The following PIK3C2G variants were observed in gnomAD, a reference collection of about 807,000 sequenced individuals.
PIK3C2G encodes the protein phosphatidylinositol-4-phosphate 3-kinase catalytic subunit type 2 gamma.
Under a neutral mutation model 181.1 loss-of-function variants are expected in PIK3C2G, and 168 were observed. The observed-to-expected ratio is 0.93, with a 90% CI of 0.82 to 1.05. PIK3C2G has a LOEUF of 1.05. Ranked by LOEUF, PIK3C2G falls within the 50% of genes least tolerant of loss-of-function variation. The pLI, the probability that PIK3C2G is intolerant of heterozygous loss-of-function variation, is 0.00. For synonymous variants in PIK3C2G, 573 were observed against 592.2 expected, an observed-to-expected ratio of 0.97 and a Z score of 0.47; for missense variants, 1,869 against 1,732.8, an observed-to-expected ratio of 1.08 and a Z score of -1.40.
At chr12:18,292,227 A>AAAAATATATATAT in intron 4 of PIK3C2G, among the ~76,000 whole-genome samples, 4 of 48,726 alleles carry the variant, frequency 8.2e-5, no homozygotes, top group African/African-American at 4.4e-4. Context: ...AAAAAAAAAA[A>AAAAATATATATAT]ATATATATAT....
At chr12:18,401,819 T>C (rs1944265772) in intron 16 of PIK3C2G, among the ~76,000 whole-genome samples, 1 of 152,046 alleles carries the variant, frequency 6.6e-6, no homozygotes, top group Admixed American at 6.6e-5. Flanking sequence ...ACACCTAAGA[T>C]ACCATACTCA....
At chr12:18,281,618 T>G (rs1327930230) in intron 1 of PIK3C2G, among the ~76,000 whole-genome samples, 2 of 152,004 alleles carry the variant, frequency 1.3e-5, no homozygotes, top group East Asian at 3.9e-4. Flanking sequence ...TAATTGCTGG[T>G]CAAGAAGAGA....
intron 18 of PIK3C2G, among the ~76,000 whole-genome samples, chr12:18,440,561 T>G (rs537052263): frequency 3.7e-4 from 57 of 152,180 alleles, no homozygotes; most frequent in Non-Finnish European, 3.2e-4. Flanking sequence ...GTGAACCGCC[T>G]ATGTATCTGA....
rs1019525565 is a variant in PIK3C2G, at chr12:18,503,486, T to G, written c.3153+69T>G. On this transcript the variant is annotated intron_variant, in intron 23 of 32. Coordinates refer to ENST00000538779, the MANE Select transcript of PIK3C2G (RefSeq NM_001288772.2). ...GAATATGCTCTGGTTCATTAGATAT[T>G]CTGATTTGTAGAAAAGTAAATTAAG... The G allele has an allele frequency of 4.8e-5, 55 of 1,152,416 alleles. 1 individual carries two copies. The African/African-American group carries it at 7.8e-4, about 16-fold the overall frequency. 71.4% of individuals were successfully genotyped at this position (1,152,416 alleles called of 1,614,324 possible).
chr12:18,666,580 A>ACAG, the PIK3C2G span, among the ~76,000 whole-genome samples: 1 of 152,188 alleles, frequency 6.6e-6, no homozygotes, highest in Non-Finnish European at 1.5e-5. Context: ...GCAAAAACTG[A>ACAG]CAGAATTGAA....
chr12:18,684,010 A>G, the PIK3C2G span: 8 of 1,212,364 alleles, frequency 6.6e-6, no homozygotes, highest in East Asian at 1.0e-4. Flanking sequence ...GTGTCAATAC[A>G]TAAAATTTCC....
At chr12:18,578,215 C>T (rs1308928855) in intron 29 of PIK3C2G, among the ~76,000 whole-genome samples, 5 of 152,172 alleles carry the variant, frequency 3.3e-5, no homozygotes, top group African/African-American at 4.8e-5. Context: ...ACAATGCTGC[C>T]ATGAGAAGCT....
intron 1 of PIK3C2G, among the ~76,000 whole-genome samples, chr12:18,270,211 G>A (rs959725734): frequency 1.1e-4 from 16 of 151,912 alleles, no homozygotes; most frequent in African/African-American, 3.6e-4. Flanking sequence ...CGCACAGCCC[G>A]ACAAGTTTTT....
intron 18 of PIK3C2G, among the ~76,000 whole-genome samples, chr12:18,484,339 TCA>T (rs1487310801): frequency 6.6e-6 from 1 of 152,180 alleles, no homozygotes. Flanking sequence ...ATGATTAGCC[TCA>T]TAAATTATGG....
At chr12:18,674,251 A>T in the PIK3C2G span, among the ~76,000 whole-genome samples, 2 of 152,218 alleles carry the variant, frequency 1.3e-5, no homozygotes, top group Admixed American at 6.5e-5. Context: ...ATAGCTTAAT[A>T]TAATAATGAC....
intron 22 of PIK3C2G, 111 bp from the exon 23 acceptor site, chr12:18,503,170 A>C: frequency 1.5e-6 from 1 of 660,050 alleles, no homozygotes; most frequent in Non-Finnish European, 2.4e-6. Context: ...GAAGATTTGA[A>C]AAGGAAAGGG....
intron 5 of PIK3C2G, among the ~76,000 whole-genome samples, chr12:18,298,946 C>T (rs1263917666): frequency 3.3e-5 from 5 of 151,818 alleles, no homozygotes. Context: ...GCTTTGGTTA[C>T]GATAACTTTG....
chr12:18,338,330 A>G, intron 8 of PIK3C2G, 96 bp from the exon 9 acceptor site: 1 of 953,764 alleles, frequency 1.0e-6, no homozygotes, highest in Non-Finnish European at 1.6e-6. Context: ...ATTTTATTCC[A>G]CTTGCTCCTC....
chr12:18,281,803 A>G (rs1017642844), intron 1 of PIK3C2G, among the ~76,000 whole-genome samples: 2 of 152,062 alleles, frequency 1.3e-5, no homozygotes, highest in Non-Finnish European at 2.9e-5. Context: ...GAGTTTTGTC[A>G]GTCTATCCAA....
At chr12:18,290,279 C>A (rs1002447546) in intron 3 of PIK3C2G, among the ~76,000 whole-genome samples, 1 of 152,078 alleles carries the variant, frequency 6.6e-6, no homozygotes, top group African/African-American at 2.4e-5. Flanking sequence ...TTCTTTGACT[C>A]ATTTATGTGT....
downstream of PIK3C2G, among the ~76,000 whole-genome samples, chr12:18,652,545 G>T (rs536177589): frequency 4.9e-4 from 74 of 152,240 alleles, no homozygotes; most frequent in African/African-American, 1.6e-3. Flanking sequence ...GTGATGCTTT[G>T]TGACAGCGGT....
At chr12:18,300,903 C>T (rs1364029850) in intron 5 of PIK3C2G, among the ~76,000 whole-genome samples, 1 of 152,120 alleles carries the variant, frequency 6.6e-6, no homozygotes, top group Non-Finnish European at 1.5e-5. Context: ...GATGAATTCT[C>T]TCAGTTTTTG....
chr12:18,502,561 C>T (rs1941564835), intron 22 of PIK3C2G, among the ~76,000 whole-genome samples: 2 of 152,116 alleles, frequency 1.3e-5, no homozygotes, highest in Non-Finnish European at 2.9e-5. Flanking sequence ...ATCTAAATTG[C>T]TGTTCTGTAC....
chr12:18,307,507 G>T (rs949084528), intron 5 of PIK3C2G, among the ~76,000 whole-genome samples: 2 of 151,816 alleles, frequency 1.3e-5, no homozygotes, highest in Non-Finnish European at 2.9e-5. Context: ...AAAACACCTG[G>T]TGTGTACAAC....
Sources: gnomAD v4.1 joint callset for allele counts (sites outside exome capture counted in the v4.1 genomes callset) on GRCh38, gnomAD v4.1.1 for gene constraint, MANE v1.5 for transcripts, NCBI Gene and HGNC (gene_info 2026-07-23, HGNC 2026-07-21) for gene names.